THRB: variants seen among roughly 807,000 people sequenced by gnomAD.
THRB encodes nuclear receptor subfamily 1 group A member 2.
Under a neutral mutation model 47.8 loss-of-function variants are expected in THRB, and 12 were observed. The observed-to-expected ratio is 0.25, with a 90% CI of 0.16 to 0.41. THRB has a LOEUF of 0.41. Among genes scored for constraint, THRB ranks in the 10% least tolerant of loss-of-function variants. The pLI, the probability that THRB is intolerant of heterozygous loss-of-function variation, is 1.00. For synonymous variants in THRB, 218 were observed against 212.2 expected (o/e 1.03, Z -0.24); for missense variants, 348 against 589.2 (o/e 0.59, Z 4.24).
chr3:24,127,338 C>A (rs555248315), intron 10 of THRB, among the ~76,000 whole-genome samples, 161 bp downstream of exon 10: 1 of 152,316 alleles, frequency 6.6e-6, no homozygotes, highest in East Asian at 1.9e-4. Context: ...GACGCCCCCC[C>A]TTTAAGTTCC....
At chr3:24,285,527 A>G (rs1473620711) in intron 3 of THRB, among the ~76,000 whole-genome samples, 1 of 151,418 alleles carries the variant, frequency 6.6e-6, no homozygotes, top group Non-Finnish European at 1.5e-5. Context: ...GCACATGTAT[A>G]CATATGTAAC....
chr3:24,429,747 G>A lies in THRB; in HGVS notation c.-261+64905C>T, dbSNP rs1453550746. On this transcript the variant is annotated intron_variant, in intron 1 of 10. Transcript: ENST00000646209. ...GATCTTAAACTCCTGGCCTCAAAGT[G>A]ATCCTCCTGCCTCGGCCTTCCAAAG... Among the ~76,000 whole-genome samples the A allele has an allele frequency of 2.0e-5, 3 of 152,132 alleles. No individual in the cohort carries two copies. The East Asian group carries it at 5.8e-4, about 29-fold the overall frequency.
At chr3:24,236,174 C>T (rs935748649) in intron 3 of THRB, among the ~76,000 whole-genome samples, 3 of 152,156 alleles carry the variant, frequency 2.0e-5, no homozygotes, top group African/African-American at 7.2e-5. Flanking sequence ...ATACATCAAA[C>T]CTTTGACTCT....
chr3:24,381,155 A>G (rs1179510409), intron 1 of THRB, among the ~76,000 whole-genome samples: 1 of 152,080 alleles, frequency 6.6e-6, no homozygotes, highest in Non-Finnish European at 1.5e-5. Context: ...AATTTAGTAA[A>G]ATGAATAAAA....
chr3:24,457,044 A>T (rs1289292056), intron 1 of THRB, among the ~76,000 whole-genome samples: 2 of 152,186 alleles, frequency 1.3e-5, no homozygotes, highest in Non-Finnish European at 2.9e-5. Flanking sequence ...CAATATTTAG[A>T]AGGGAAGAAA....
chr3:24,143,579 C>G lies in THRB; in HGVS notation c.660G>C (p.Glu220Asp). 6.2e-7 allele frequency: 1 copy of G among 1,614,208 alleles called. No individual in the cohort carries two copies. The highest frequency in any genetic ancestry group is 8.5e-7 in the Non-Finnish European group (1 of 1,180,020). The change falls in exon 8 of 11, where the codon GAG (glutamate) becomes GAC (aspartate). Residue 220 changes from glutamate to aspartate, a missense_variant. Physicochemically the swap from Glu to Asp is conservative, Grantham distance 45 (BLOSUM62 2). Transcript: ENST00000646209. ...GGGCTTCGGTGACAGTTTTGATGAGCTCCCATTCCTCGTCTGTGGGCTCTG... is the reference window on the plus strand; with the variant it reads ...GGGCTTCGGTGACAGTTTTGATGAGGTCCCATTCCTCGTCTGTGGGCTCTG... Reference protein sequence around the residue: ...HKPEPTDEEWELIKTVTEAHV... With the variant: ...HKPEPTDEEWDLIKTVTEAHV...
intron 1 of THRB, chr3:24,348,468 CCTT>C (rs2063161441): frequency 6.6e-6 from 1 of 151,994 alleles, no homozygotes; most frequent in Non-Finnish European, 1.5e-5. Flanking sequence ...CATGCCTTTT[CCTT>C]GTATATGCCT....
intron 3 of THRB, 63 bp downstream of exon 3, chr3:24,297,163 T>G (rs1466480069): frequency 1.3e-5 from 2 of 152,212 alleles, no homozygotes; most frequent in Non-Finnish European, 2.9e-5. Flanking sequence ...ATAGGAAGCA[T>G]AAATTTTTCC....
At chr3:24,156,228 G>C (rs2037816286) in intron 5 of THRB, among the ~76,000 whole-genome samples, 1 of 152,250 alleles carries the variant, frequency 6.6e-6, no homozygotes, top group African/African-American at 2.4e-5. Context: ...GCAACAGGTA[G>C]TAAGCTTGCC....
At chr3:24,394,516 T>C (rs1167138497) in intron 1 of THRB, among the ~76,000 whole-genome samples, 1 of 152,116 alleles carries the variant, frequency 6.6e-6, no homozygotes, top group Non-Finnish European at 1.5e-5. Flanking sequence ...ATCATACATC[T>C]CTACTTTGGA....
At chr3:24,285,275 C>G (rs895102973) in intron 3 of THRB, among the ~76,000 whole-genome samples, 2 of 152,070 alleles carry the variant, frequency 1.3e-5, no homozygotes, top group Non-Finnish European at 2.9e-5. Context: ...AGTTCATGTC[C>G]TTTGTAGGGA....
At chr3:24,432,098 C>A (rs566221760) in intron 1 of THRB, among the ~76,000 whole-genome samples, 6 of 152,108 alleles carry the variant, frequency 3.9e-5, no homozygotes, top group African/African-American at 1.4e-4. Flanking sequence ...TATTCTACTT[C>A]CTAAAATGAG....
chr3:24,190,434 G>T, intron 4 of THRB, 100 bp from the exon 5 acceptor site: 1 of 1,466,796 alleles, frequency 6.8e-7, no homozygotes, highest in Non-Finnish European at 9.5e-7. Flanking sequence ...AATTCTTTTG[G>T]GCTGACAGTA....
rs201952358 is a variant in THRB, at chr3:24,465,032, A to AT, written c.-261+29619dup. Among the ~76,000 whole-genome samples, 295 of 148,482 alleles carry AT rather than the reference A, an allele frequency of 2.0e-3. 1 individual carries two copies. The highest frequency in any genetic ancestry group is 0.019 in the South Asian group (90 of 4,692). ...ATGTTTACAAAATTCTTCACTCACTATTTTTTTTTTCCTGCAACCTACACC... is the reference window on the plus strand; with the variant it reads ...ATGTTTACAAAATTCTTCACTCACTATTTTTTTTTTTCCTGCAACCTACACC... On this transcript the variant is annotated intron_variant, in intron 1 of 10. Coordinates refer to ENST00000646209, the MANE Select transcript of THRB (RefSeq NM_001354712.2).
intron 1 of THRB, among the ~76,000 whole-genome samples, chr3:24,485,252 T>G (rs984788582): frequency 3.9e-5 from 6 of 152,228 alleles, no homozygotes; most frequent in Admixed American, 2.6e-4. Flanking sequence ...AAGCTTCACT[T>G]GAAAACATTT....
intron 1 of THRB, among the ~76,000 whole-genome samples, chr3:24,427,649 T>C (rs1381638800): frequency 6.6e-6 from 1 of 152,086 alleles, no homozygotes; most frequent in Non-Finnish European, 1.5e-5. Flanking sequence ...AATATTGAGA[T>C]AGTTGTTAAA....
intron 3 of THRB, among the ~76,000 whole-genome samples, chr3:24,292,785 G>A (rs1278564334): frequency 1.3e-5 from 2 of 152,134 alleles, no homozygotes; most frequent in Non-Finnish European, 2.9e-5. Context: ...ATAACCAAGG[G>A]ATTTTAGCTG....
At chr3:24,332,502 T>C (rs1157441756) in intron 2 of THRB, among the ~76,000 whole-genome samples, 1 of 152,386 alleles carries the variant, frequency 6.6e-6, no homozygotes, top group South Asian at 2.1e-4. Flanking sequence ...GTTGGTATAC[T>C]TTGATCTATT....
intron 3 of THRB, among the ~76,000 whole-genome samples, chr3:24,295,832 A>C (rs186808433): frequency 1.3e-5 from 2 of 152,342 alleles, no homozygotes; most frequent in Admixed American, 6.5e-5. Flanking sequence ...GATGGAATTT[A>C]TCAAGCACTG....
Sources: allele counts gnomAD v4.1 joint callset (sites outside exome capture counted in the v4.1 genomes callset), GRCh38; gene constraint gnomAD v4.1.1; transcripts MANE v1.5; gene names NCBI Gene and HGNC (gene_info 2026-07-23, HGNC 2026-07-21).